The following CD96 variants were observed in gnomAD, a reference collection of about 807,000 sequenced individuals.
The protein encoded by CD96 is CD96 molecule, also known as T-cell surface protein tactile.
CD96 carries 70 observed loss-of-function variants against 71.3 expected under a neutral mutation model. That is an observed-to-expected ratio of 0.98 (90% CI 0.81 to 1.20). The LOEUF is 1.20. Ranked by LOEUF, CD96 falls within the 50% of genes most tolerant of loss-of-function variation. The pLI is 0.00. For synonymous variants in CD96, 248 were observed against 233.0 expected (o/e 1.06, Z -0.59); for missense variants, 742 against 677.5 (o/e 1.10, Z -1.06).
intron 12 of CD96, among the ~76,000 whole-genome samples, chr3:111,645,974 C>T (rs1939809472): frequency 6.6e-6 from 1 of 152,034 alleles, no homozygotes; most frequent in East Asian, 1.9e-4. Flanking sequence ...GTTCTTTGAC[C>T]TGTATTTTTT....
At chr3:111,658,725 C>T (rs1333275770) in intron 14 of CD96, among the ~76,000 whole-genome samples, 1 of 152,132 alleles carries the variant, frequency 6.6e-6, no homozygotes, top group African/African-American at 2.4e-5. Context: ...TACAATATCA[C>T]CTATGGAGTA....
At chr3:111,595,157 G>T (rs1173462221) in intron 5 of CD96, 2 of 162,956 alleles carry the variant, frequency 1.2e-5, no homozygotes, top group Non-Finnish European at 2.9e-5. Flanking sequence ...ATAAGTAAAT[G>T]GAAAATCATA....
chr3:111,656,029 G>T (rs1369499744), downstream of CD96, among the ~76,000 whole-genome samples: 1 of 151,860 alleles, frequency 6.6e-6, no homozygotes, highest in Non-Finnish European at 1.5e-5. Context: ...AAATATTCAT[G>T]AGAGAGAAAG....
chr3:111,628,229 A>C (rs969854590), intron 10 of CD96, among the ~76,000 whole-genome samples: 5 of 152,226 alleles, frequency 3.3e-5, no homozygotes, highest in South Asian at 2.1e-4. Context: ...AATGAAGTTC[A>C]CTGAGCTAAA....
chr3:111,615,868 C>CT (rs1270421863), intron 8 of CD96, among the ~76,000 whole-genome samples: 4 of 152,176 alleles, frequency 2.6e-5, no homozygotes, highest in Non-Finnish European at 5.9e-5. Flanking sequence ...CTCAGCCAAG[C>CT]TAGCCTCCTA....
At chr3:111,645,151 T>C (rs13315780) in intron 12 of CD96, among the ~76,000 whole-genome samples, 3,882 of 152,058 alleles carry the variant, frequency 0.026, 159 homozygotes, top group African/African-American at 0.086. Flanking sequence ...GAAACCGTGG[T>C]GTATATATAT....
At chr3:111,566,017 T>A (rs6792149) in intron 2 of CD96, among the ~76,000 whole-genome samples, 53,347 of 148,502 alleles carry the variant, frequency 0.36, 10,436 homozygotes, top group South Asian at 0.5. Context: ...ATAGCATATA[T>A]TTATATATAT....
chr3:111,544,173 T>A (rs1934260524), intron 1 of CD96, among the ~76,000 whole-genome samples: 1 of 151,894 alleles, frequency 6.6e-6, no homozygotes, highest in Admixed American at 6.6e-5. Flanking sequence ...TGAGATGGAG[T>A]CTCACTCTGT....
At chr3:111,592,112 G>C (rs1048814008) in intron 5 of CD96, among the ~76,000 whole-genome samples, 28 of 152,124 alleles carry the variant, frequency 1.8e-4, no homozygotes, top group Non-Finnish European at 3.5e-4. Flanking sequence ...ATTATGTTTT[G>C]TTTTTTAATG....
At chr3:111,644,489 A>C (rs1240066413) in intron 12 of CD96, among the ~76,000 whole-genome samples, 1 of 152,134 alleles carries the variant, frequency 6.6e-6, no homozygotes, top group East Asian at 1.9e-4. Context: ...CAATAAAAAC[A>C]AAGATAAAAA....
At chr3:111,567,888 C>T (rs1242208365) in intron 3 of CD96, among the ~76,000 whole-genome samples, 1 of 152,140 alleles carries the variant, frequency 6.6e-6, no homozygotes, top group Non-Finnish European at 1.5e-5. Flanking sequence ...TTGATTTTTA[C>T]TTCTATCTAT....
chr3:111,573,840 A>G (rs1936099448), intron 3 of CD96, among the ~76,000 whole-genome samples: 1 of 152,218 alleles, frequency 6.6e-6, no homozygotes, highest in Non-Finnish European at 1.5e-5. Context: ...ATGCCTCACT[A>G]TTCAGAAAAC....
rs377429008 is a variant in CD96, at chr3:111,638,112, C to T, written c.1421C>T (p.Ser474Leu). 2.5e-5 allele frequency: 41 copies of T among 1,611,060 alleles called. No individual in the cohort carries two copies. The highest frequency in any genetic ancestry group is 3.3e-5 in the Admixed American group (2 of 59,988). The change falls in exon 12 of 14, where the codon TCA (serine) becomes TTA (leucine). Residue 474 changes from serine to leucine, a missense_variant. By Grantham distance (145) the Ser-to-Leu change is moderately radical. Coordinates refer to ENST00000352690, the MANE Select transcript of CD96 (RefSeq NM_005816.5). Reference protein sequence around the residue: ...NVFTSTARAFSEVPTTANGST... With the variant: ...NVFTSTARAFLEVPTTANGST... ...TTTACCAGCACAGCCAGAGCATTTT[C>T]AGAAGTCCCCACAACTGCCAATGGA...
chr3:111,661,101 G>A (rs1940342806), intron 14 of CD96, among the ~76,000 whole-genome samples: 1 of 152,190 alleles, frequency 6.6e-6, no homozygotes, highest in Admixed American at 6.5e-5. Flanking sequence ...TGGCAGAAGG[G>A]TGAAGGGGAA....
intron 5 of CD96, 95 bp from the exon 6 acceptor site, chr3:111,598,025 C>A (rs1576369720): frequency 1.4e-6 from 1 of 736,766 alleles, no homozygotes; most frequent in Non-Finnish European, 2.5e-6. Flanking sequence ...AATGGAGAAA[C>A]TCTTTTTTGC....
chr3:111,563,056 C>T (rs1240369014), intron 2 of CD96, among the ~76,000 whole-genome samples: 1 of 152,210 alleles, frequency 6.6e-6, no homozygotes, highest in Admixed American at 6.5e-5. Context: ...AATGCCATGT[C>T]CTCACATGGT....
At chr3:111,585,744 A>AT (rs1250072919) in intron 5 of CD96, among the ~76,000 whole-genome samples, 1 of 152,124 alleles carries the variant, frequency 6.6e-6, no homozygotes, top group Non-Finnish European at 1.5e-5. Context: ...CTGACGTTTA[A>AT]TTTGTTCTAA....
chr3:111,638,140 T>A lies in CD96; in HGVS notation c.1449T>A (p.Ser483=). 2 of 1,607,764 alleles carry A rather than the reference T, an allele frequency of 1.2e-6. No individual in the cohort carries two copies. Among genetic ancestry groups the A allele is most frequent in the Non-Finnish European group, 1.7e-6 (2 of 1,174,262 alleles). Residue 483 remains serine, a synonymous_variant, in exon 12 of 14, where the codon TCT becomes TCA. Transcript: ENST00000352690. ...AAGTCCCCACAACTGCCAATGGATC[T>A]ACGAAAACTAATCACGTCCATATCA... The part of the protein sequence containing the change: ...FSEVPTTANG[S]TKTNHVHITG...
chr3:111,615,274 G>A (rs1938172100), intron 8 of CD96, among the ~76,000 whole-genome samples: 1 of 152,352 alleles, frequency 6.6e-6, no homozygotes. Flanking sequence ...TAGCAATAGT[G>A]TGATGGATGG....
Sources: gnomAD v4.1 joint callset for allele counts (sites outside exome capture counted in the v4.1 genomes callset) on GRCh38, gnomAD v4.1.1 for gene constraint, MANE v1.5 for transcripts, NCBI Gene and HGNC (gene_info 2026-07-23, HGNC 2026-07-21) for gene names.